The following SLC17A2 variants were observed in gnomAD, a reference collection of about 807,000 sequenced individuals.
SLC17A2 encodes the protein sodium-dependent phosphate transport protein 3.
SLC17A2 carries 38 observed loss-of-function variants against 52.1 expected under a neutral mutation model. The ratio of observed to expected loss-of-function variants is 0.73; its 90% CI spans 0.56 to 0.96. The LOEUF (loss-of-function observed/expected upper bound fraction) is 0.96. SLC17A2 is among the 40% of genes least tolerant of loss of function. SLC17A2 has a pLI of 0.00. For synonymous variants in SLC17A2, 226 were observed against 211.9 expected (o/e 1.07, Z -0.58); for missense variants, 508 against 583.9 (o/e 0.87, Z 1.34).
rs75862513 is a variant in SLC17A2 at position 25,928,023 on chromosome 6, C to T, written c.-83-2144G>A. 2.6e-3 allele frequency among the ~76,000 whole-genome samples: 398 copies of T among 152,244 alleles called. 2 individuals are homozygous for T. The highest frequency in any genetic ancestry group is 0.011 in the East Asian group (57 of 5,178). ...ACATGCAGCTGCAATTACTTACACTCCACTTAAAGCTTTCCCACCAACTTC... is the reference window on the plus strand; with the variant it reads ...ACATGCAGCTGCAATTACTTACACTTCACTTAAAGCTTTCCCACCAACTTC... On this transcript the variant is annotated intron_variant, in intron 1 of 11. Coordinates refer to ENST00000377850, the MANE Select transcript of SLC17A2 (RefSeq NM_001286123.3).
chr6:25,928,714 A>G, intron 1 of SLC17A2, among the ~76,000 whole-genome samples: 1 of 152,230 alleles, frequency 6.6e-6, no homozygotes, highest in East Asian at 1.9e-4. Context: ...TAATAAAATT[A>G]TGGAGGCTGA....
At chr6:25,919,679 G>A (rs556656414) in intron 5 of SLC17A2, among the ~76,000 whole-genome samples, 1 of 96,596 alleles carries the variant, frequency 1.0e-5, no homozygotes, top group Non-Finnish European at 1.9e-5. Flanking sequence ...CGGCCTGGGC[G>A]AAAGAGTGAG....
intron 3 of SLC17A2, among the ~76,000 whole-genome samples, chr6:25,922,623 G>A (rs915839346): frequency 1.3e-5 from 2 of 152,126 alleles, no homozygotes; most frequent in Admixed American, 6.5e-5. Context: ...ATAAATTTAT[G>A]TACTCATTGT....
chr6:25,930,198 A>G (rs1157125837), intron 1 of SLC17A2, 79 bp downstream of exon 1: 2 of 152,252 alleles, frequency 1.3e-5, no homozygotes, highest in Non-Finnish European at 2.9e-5. Flanking sequence ...CCAAACACAA[A>G]TCTTGTCAGT....
chr6:25,918,354 C>T (rs1271547416), intron 6 of SLC17A2, 133 bp downstream of exon 6: 9 of 642,104 alleles, frequency 1.4e-5, no homozygotes, highest in Non-Finnish European at 2.5e-5. Context: ...ATGATACCAA[C>T]CGTTGACATT....
intron 10 of SLC17A2, 142 bp downstream of exon 10, chr6:25,915,357 G>T: frequency 1.4e-6 from 1 of 727,098 alleles, no homozygotes; most frequent in Non-Finnish European, 2.1e-6. Flanking sequence ...TTCTAAAAAT[G>T]GCCACAGACA....
At chr6:25,921,532 T>G in intron 3 of SLC17A2, 120 bp from the exon 4 acceptor site, 2 of 681,000 alleles carry the variant, frequency 2.9e-6, no homozygotes, top group Non-Finnish European at 4.9e-6. Flanking sequence ...TGTTTCTCTC[T>G]ATATTCTTCC....
intron 1 of SLC17A2, among the ~76,000 whole-genome samples, 158 bp downstream of exon 1, chr6:25,930,119 T>C (rs1207408501): frequency 1.3e-5 from 2 of 152,160 alleles, no homozygotes; most frequent in Non-Finnish European, 2.9e-5. Flanking sequence ...GGCCCGGCCA[T>C]GTTCTCCTTT....
At chr6:25,916,228 C>T (rs974874413) in intron 8 of SLC17A2, among the ~76,000 whole-genome samples, 2 of 152,094 alleles carry the variant, frequency 1.3e-5, no homozygotes, top group African/African-American at 2.4e-5. Flanking sequence ...TTACAGGTGC[C>T]TGCCACCACA....
chr6:25,927,157 G>A (rs1766797283), intron 1 of SLC17A2, among the ~76,000 whole-genome samples: 1 of 152,112 alleles, frequency 6.6e-6, no homozygotes, highest in African/African-American at 2.4e-5. Flanking sequence ...TAAAAGACTT[G>A]TCCGTACTTT....
At chr6:25,919,963 A>G (rs915111136) in intron 5 of SLC17A2, among the ~76,000 whole-genome samples, 10 of 152,170 alleles carry the variant, frequency 6.6e-5, no homozygotes, top group African/African-American at 2.2e-4. Context: ...GTATTCATGC[A>G]ATAAAGAGGT....
chr6:25,915,931 T>G (rs1581558249), intron 8 of SLC17A2, 63 bp from the exon 9 acceptor site: 2 of 1,522,242 alleles, frequency 1.3e-6, no homozygotes, highest in African/African-American at 1.4e-5. Context: ...ATTTGTCAGT[T>G]ACACAGACCA....
At chr6:25,925,208 G>A (rs1766714610) in intron 2 of SLC17A2, among the ~76,000 whole-genome samples, 1 of 152,098 alleles carries the variant, frequency 6.6e-6, no homozygotes, top group Non-Finnish European at 1.5e-5. Flanking sequence ...TTCATACATA[G>A]GTTGGTTTAA....
chr6:25,917,636 T>A (rs1239419836), intron 6 of SLC17A2, among the ~76,000 whole-genome samples: 1 of 152,212 alleles, frequency 6.6e-6, no homozygotes, highest in East Asian at 1.9e-4. Flanking sequence ...ATAATTAGCA[T>A]CATTAATGAG....
chr6:25,927,681 C>T (rs139623112), intron 1 of SLC17A2, among the ~76,000 whole-genome samples: 20 of 152,318 alleles, frequency 1.3e-4, no homozygotes, highest in East Asian at 7.7e-4. Context: ...AATAGTATCT[C>T]TCCATCTAAA....
rs1561873654 is a variant in SLC17A2, at chr6:25,914,657, G to A, written c.1225C>T (p.Leu409Phe). The change falls in exon 11 of 12, where the codon CTC becomes TTC. Residue 409 changes from leucine (L) to phenylalanine (F), a missense_variant. Coordinates refer to ENST00000377850, the MANE Select transcript of SLC17A2 (RefSeq NM_001286123.3). ...CCAAATCCCCTTGAGATTCCCATGA[G>A]GAAACTTGCATATCTGTGGGAAGAT... ...LDIAPRYASFLMGISRGFGLI... is the reference protein window; with the variant it reads ...LDIAPRYASFFMGISRGFGLI... 6.2e-7 allele frequency: 1 copy of A among 1,606,692 alleles called. No individual in the cohort carries two copies. The highest frequency in any genetic ancestry group is 8.5e-7 in the Non-Finnish European group (1 of 1,173,396).
Position 25,913,211 on chromosome 6 carries a change from C to T in SLC17A2, c.*106G>A. 8.2e-7 allele frequency: 1 copy of T among 1,225,088 alleles called. No individual in the cohort carries two copies. The highest frequency in any genetic ancestry group is 1.2e-6 in the Non-Finnish European group (1 of 838,044). The allele number at this position is 1,225,088 out of a possible 1,614,324, so 75.9% of individuals were successfully genotyped here. ...CTCCCCAGGGAAGACTAACACACAG[C>T]CAGAGTTAAGAACTGCTGAGTCTAT... On this transcript the variant is annotated 3_prime_UTR_variant, in exon 12 of 12. Coordinates refer to ENST00000377850, the MANE Select transcript of SLC17A2 (RefSeq NM_001286123.3).
intron 11 of SLC17A2, 127 bp from the exon 12 acceptor site, chr6:25,913,578 C>T: frequency 2.3e-6 from 2 of 868,750 alleles, no homozygotes; most frequent in Non-Finnish European, 1.7e-6. Context: ...GCAGTAGTTA[C>T]TTAAGAAAGT....
chr6:25,918,488 A>G lies in SLC17A2; in HGVS notation c.648T>C (p.Phe216=). ...ALSWPFIFYI[F]GSTGCVCCLL... is the part of the protein sequence containing the mutation. ...AGGATTTAAGAGAAAGTGACTCACC[A>G]AAGATGTAGAAGATAAAAGGCCAGC... The change falls in exon 6 of 12, where the codon TTT becomes TTC. Residue 216 remains phenylalanine (F), a splice_region_variant and synonymous_variant. Transcript: ENST00000377850. 1 of 1,609,172 alleles carries G rather than the reference A, an allele frequency of 6.2e-7. No homozygotes were observed. Among genetic ancestry groups the G allele is most frequent in the Non-Finnish European group, 8.5e-7 (1 of 1,175,558 alleles).
Sources: allele counts gnomAD v4.1 joint callset (sites outside exome capture counted in the v4.1 genomes callset), GRCh38; gene constraint gnomAD v4.1.1; transcripts MANE v1.5; gene names NCBI Gene and HGNC (gene_info 2026-07-23, HGNC 2026-07-21).